TTBK2: variants seen among roughly 807,000 people sequenced by gnomAD.
TTBK2 encodes tau-tubulin kinase 2.
A neutral mutation model predicts 110.8 loss-of-function variants in TTBK2; 28 were observed. That is an observed-to-expected ratio of 0.25 (90% CI 0.19 to 0.35). The LOEUF is 0.35. Among genes scored for constraint, TTBK2 ranks in the 10% least tolerant of loss-of-function variants. The probability of loss-of-function intolerance (pLI) is 1.00; values close to 1 mark genes in which losing one functional copy is unlikely to be tolerated. For synonymous variants in TTBK2, 532 were observed against 527.3 expected, an observed-to-expected ratio of 1.01 and a Z score of -0.12; for missense variants, 1,369 against 1,500.3, an observed-to-expected ratio of 0.91 and a Z score of 1.45.
At chr15:42,773,160 T>G (rs538116505) in intron 13 of TTBK2, among the ~76,000 whole-genome samples, 1 of 152,190 alleles carries the variant, frequency 6.6e-6, no homozygotes, top group South Asian at 2.1e-4. Context: ...GTATGATCAT[T>G]CCACTGTGCT....
chr15:42,753,886 T>C (rs1303207215), intron 13 of TTBK2, among the ~76,000 whole-genome samples: 1 of 152,162 alleles, frequency 6.6e-6, no homozygotes, highest in Non-Finnish European at 1.5e-5. Context: ...CCTTTGAGTA[T>C]GCCATCTATT....
chr15:42,782,419 A>C (rs532230204), intron 11 of TTBK2, among the ~76,000 whole-genome samples: 1 of 152,246 alleles, frequency 6.6e-6, no homozygotes, highest in South Asian at 2.1e-4. Context: ...CACTTCTTCC[A>C]TAAGACATGT....
At chr15:42,757,914 C>T (rs1443866783) in intron 13 of TTBK2, among the ~76,000 whole-genome samples, 1 of 152,090 alleles carries the variant, frequency 6.6e-6, no homozygotes, top group East Asian at 1.9e-4. Context: ...TCTATTAGTG[C>T]CTAGTACTGT....
chr15:42,840,735 C>T (rs892937866), intron 3 of TTBK2: 2 of 440,492 alleles, frequency 4.5e-6, no homozygotes, highest in African/African-American at 4.0e-5. Flanking sequence ...CAATTCAGAT[C>T]AACCTGCCCA....
intron 11 of TTBK2, among the ~76,000 whole-genome samples, chr15:42,780,055 C>G (rs1307641335): frequency 6.6e-6 from 1 of 151,728 alleles, no homozygotes; most frequent in Middle Eastern, 3.4e-3. Flanking sequence ...CAGAGTCTCA[C>G]TCTGTCACCT....
chr15:42,889,273 A>G (rs1335885622), intron 1 of TTBK2, among the ~76,000 whole-genome samples: 3 of 152,206 alleles, frequency 2.0e-5, no homozygotes, highest in African/African-American at 7.2e-5. Context: ...TCAGGAAACT[A>G]AAATACCTCT....
At chr15:42,794,554 T>C (rs1890847613) in intron 10 of TTBK2, 90 bp downstream of exon 10, 1 of 1,560,312 alleles carries the variant, frequency 6.4e-7, no homozygotes. Flanking sequence ...TCTTAGCATT[T>C]GGTCATCTGA....
intron 1 of TTBK2, among the ~76,000 whole-genome samples, chr15:42,893,402 G>A (rs545813434): frequency 3.9e-5 from 6 of 152,106 alleles, no homozygotes; most frequent in East Asian, 3.9e-4. Context: ...AGGCTGAGGC[G>A]GGAGGATAAT....
At chr15:42,835,243 A>G (rs959657761) in intron 4 of TTBK2, among the ~76,000 whole-genome samples, 3 of 152,192 alleles carry the variant, frequency 2.0e-5, no homozygotes, top group Non-Finnish European at 2.9e-5. Flanking sequence ...CAGACTGACA[A>G]TGCTGAACTC....
chr15:42,792,645 T>C (rs1187237793), intron 10 of TTBK2, among the ~76,000 whole-genome samples: 1 of 152,166 alleles, frequency 6.6e-6, no homozygotes, highest in Non-Finnish European at 1.5e-5. Flanking sequence ...TTACATCCCA[T>C]TGCTAATTTT....
chr15:42,850,660 T>C (rs1214559669), intron 3 of TTBK2, among the ~76,000 whole-genome samples: 1 of 152,160 alleles, frequency 6.6e-6, no homozygotes, highest in Admixed American at 6.5e-5. Context: ...AAATAAATCC[T>C]GTAATAATCT....
At chr15:42,851,624 A>G (rs576957367) in intron 3 of TTBK2, among the ~76,000 whole-genome samples, 1 of 152,202 alleles carries the variant, frequency 6.6e-6, no homozygotes, top group South Asian at 2.1e-4. Flanking sequence ...TTTTATATAT[A>G]CATACATATA....
At chr15:42,754,795 G>C (rs540273908) in intron 13 of TTBK2, among the ~76,000 whole-genome samples, 1 of 148,546 alleles carries the variant, frequency 6.7e-6, no homozygotes, top group Admixed American at 6.6e-5. Flanking sequence ...GACCACCTGA[G>C]GTCGGGAGTT....
In TTBK2 at chr15:42,794,701, G is replaced by A. The variant is rs1408296805; in HGVS notation, c.923C>T (p.Thr308Ile). ...EKTGNDGSLT[T>I]TTTSTTPQLH... ...CTGAGGGGTGGTAGAAGTAGTGGTG[G>A]TTGTTAGGGAGCCATCATTTCCAGT... Residue 308 changes from threonine to isoleucine, a missense_variant, in exon 10 of 15, where the codon ACC becomes ATC. Around this residue, in one of 4 missense-constraint regions of TTBK2, gnomAD observed 138 missense variants for 179.0 expected, o/e 0.77. Coordinates refer to ENST00000267890, the MANE Select transcript of TTBK2 (RefSeq NM_173500.4). The A allele has an allele frequency of 1.2e-6, 2 of 1,614,152 alleles. No individual in the cohort carries two copies. Among genetic ancestry groups the A allele is most frequent in the Non-Finnish European group, 1.7e-6 (2 of 1,180,044 alleles).
chr15:42,904,107 G>C (rs1253732374), intron 1 of TTBK2, among the ~76,000 whole-genome samples: 2 of 152,164 alleles, frequency 1.3e-5, no homozygotes, highest in African/African-American at 4.8e-5. Flanking sequence ...AGCATACCTT[G>C]ATTGCAGCCT....
chr15:42,786,347 T>C (rs905158160), intron 10 of TTBK2, among the ~76,000 whole-genome samples: 3 of 152,212 alleles, frequency 2.0e-5, no homozygotes, highest in South Asian at 2.1e-4. Flanking sequence ...AAAAGAGTCA[T>C]AATGGACACT....
chr15:42,822,981 A>C (rs1334077406), intron 6 of TTBK2, among the ~76,000 whole-genome samples: 1 of 152,248 alleles, frequency 6.6e-6, no homozygotes, highest in East Asian at 1.9e-4. Context: ...ATTGCTAACA[A>C]AAGGGAAAGG....
intron 1 of TTBK2, among the ~76,000 whole-genome samples, chr15:42,905,415 A>G (rs1436870406): frequency 6.6e-6 from 1 of 151,966 alleles, no homozygotes; most frequent in African/African-American, 2.4e-5. Flanking sequence ...CTGGGACCAC[A>G]GGCACACACC....
chr15:42,884,051 A>G (rs957994447), intron 1 of TTBK2, among the ~76,000 whole-genome samples: 1 of 152,204 alleles, frequency 6.6e-6, no homozygotes, highest in Non-Finnish European at 1.5e-5. Context: ...ACCATGGAAG[A>G]GCCAATTTAC....
Sources: gnomAD v4.1 joint callset for allele counts (sites outside exome capture counted in the v4.1 genomes callset) on GRCh38, gnomAD v4.1.1 for gene constraint, gnomAD v4.1.1 regional missense constraint, MANE v1.5 for transcripts, NCBI Gene and HGNC (gene_info 2026-07-23, HGNC 2026-07-21) for gene names.